SIRT2: variants seen among roughly 807,000 people sequenced by gnomAD.
SIRT2 encodes the protein NAD-dependent protein deacetylase sirtuin-2.
Under a neutral mutation model 57.4 loss-of-function variants are expected in SIRT2, and 40 were observed. The ratio of observed to expected loss-of-function variants is 0.70; its 90% CI spans 0.54 to 0.91. The LOEUF is 0.91. SIRT2 is among the 40% of genes least tolerant of loss of function. The pLI is 0.00. For synonymous variants in SIRT2, 161 were observed against 195.7 expected (o/e 0.82, Z 1.48); for missense variants, 439 against 510.4 (o/e 0.86, Z 1.35).
In SIRT2 at chr19:38,882,578, G is replaced by A. The variant is rs1444915853; in HGVS notation, c.631+1049C>T. ...TTGAACCCGGGAGGCGGAGGTTGCA[G>A]TGAGCCGAGATTGCACCACTGCACT... On this transcript the variant is annotated intron_variant, in intron 9 of 15. Coordinates refer to ENST00000249396, the MANE Select transcript of SIRT2 (RefSeq NM_012237.4). 6.6e-5 allele frequency among the ~76,000 whole-genome samples: 10 copies of A among 151,738 alleles called. No individual in the cohort carries two copies. In the South Asian group the frequency reaches 1.5e-3, roughly 22 times the overall value.
chr19:38,897,523 C>T (rs1050679336), intron 2 of SIRT2, among the ~76,000 whole-genome samples: 39 of 136,218 alleles, frequency 2.9e-4, no homozygotes, highest in African/African-American at 9.6e-4. Flanking sequence ...CTTTACTTTT[C>T]TTCCTTTTTT....
rs1973233513 is a variant in SIRT2, at chr19:38,883,743, A to G, written c.515T>C (p.Leu172Pro). 1 of 1,613,872 alleles carries G rather than the reference A, an allele frequency of 6.2e-7. No individual in the cohort carries two copies. The highest frequency in any genetic ancestry group is 1.7e-5 in the Admixed American group (1 of 59,990). ...LRCYTQNIDT[L>P]ERIAGLEQED... is the part of the protein sequence containing the mutation. ...CTGTTCCAGCCCGGCTATTCGCTCC[A>G]GGGTATCTATGTTCTAGAGGGAGAG... Residue 172 changes from leucine (L) to proline (P), a missense_variant, in exon 9 of 16, where the codon CTG becomes CCG. Transcript: ENST00000249396.
intron 4 of SIRT2, 30 bp from the exon 5 acceptor site, chr19:38,890,174 A>G: frequency 1.9e-6 from 3 of 1,613,536 alleles, no homozygotes; most frequent in Non-Finnish European, 2.5e-6. Context: ...GCACCATATG[A>G]CACCGTTTGC....
rs1973621277 is a variant in SIRT2, at chr19:38,893,720, C to T, written c.112+99G>A. 2.1e-6 allele frequency: 3 copies of T among 1,436,322 alleles called. No individual in the cohort carries two copies. The Admixed American group carries it at 5.3e-5, about 25-fold the overall frequency. The allele number at this position is 1,436,322 out of a possible 1,614,324, so 89.0% of individuals were successfully genotyped here. A position where few individuals can be genotyped will look rare whatever the true frequency, so the allele number is the denominator to read the frequency against. On this transcript the variant is annotated intron_variant, in intron 3 of 15. Coordinates refer to ENST00000249396, the MANE Select transcript of SIRT2 (RefSeq NM_012237.4). ...ACCCACTGCTACATACTTTGGATGT[C>T]ACTCCTGATGGAGTTGAGGAGGTAT...
chr19:38,890,227 GT>G, intron 4 of SIRT2, 83 bp from the exon 5 acceptor site: 1 of 1,420,334 alleles, frequency 7.0e-7, no homozygotes, highest in Non-Finnish European at 9.9e-7. Context: ...CCCTGACATC[GT>G]TTACTCCATG....
chr19:38,893,276 TGGC>T, intron 4 of SIRT2, 135 bp downstream of exon 4: 1 of 642,598 alleles, frequency 1.6e-6, no homozygotes, highest in Admixed American at 2.5e-5. Context: ...CACTCCTTTT[TGGC>T]TTAAGCCAGT....
In SIRT2 at chr19:38,889,911, G is replaced by T. The variant is rs779149028; in HGVS notation, c.319C>A (p.Leu107Ile). Residue 107 changes from leucine (L) to isoleucine (I), a missense_variant, in exon 6 of 16, where the codon CTA becomes ATA. By Grantham distance (5) the Leu-to-Ile change is conservative. Coordinates refer to ENST00000249396, the MANE Select transcript of SIRT2 (RefSeq NM_012237.4). ...RSPSTGLYDN[L>I]EKYHLPYPEA... ...GGGTAGGGAAGATGGTACTTCTCTA[G>T]GTTGTCATAGAGGCCGGTGGATGGA... 17 of 1,614,028 alleles carry T rather than the reference G, an allele frequency of 1.1e-5. No individual in the cohort carries two copies. In the Admixed American group the frequency reaches 1.8e-4, roughly 17 times the overall value.
chr19:38,898,428 G>GGGGGA lies in SIRT2; in HGVS notation c.17-8_17-4dup. 1 of 1,532,068 alleles carries GGGGGA rather than the reference G, an allele frequency of 6.5e-7. No individual in the cohort carries two copies. Among genetic ancestry groups the GGGGGA allele is most frequent in the Non-Finnish European group, 8.9e-7 (1 of 1,129,636 alleles). The allele number at this position is 1,532,068 out of a possible 1,614,324, so 94.9% of individuals were successfully genotyped here. ...CTGGGTCTCCAGAGGGTGAGAGGCT[G>GGGGGA]GGGGAGGGGAGCAGAGGTGGTTACA... On this transcript the variant is annotated splice_polypyrimidine_tract_variant and splice_region_variant and intron_variant, in intron 1 of 15. Coordinates refer to ENST00000249396, the MANE Select transcript of SIRT2 (RefSeq NM_012237.4).
chr19:38,894,310 C>T (rs1973648067), intron 2 of SIRT2: 2 of 197,826 alleles, frequency 1.0e-5, no homozygotes, highest in Non-Finnish European at 2.1e-5. Flanking sequence ...AGGTCTTCCT[C>T]TGTTGCCCAG....
chr19:38,892,762 GC>G (rs200131577), intron 4 of SIRT2, among the ~76,000 whole-genome samples: 1,951 of 150,426 alleles, frequency 0.013, 50 homozygotes, highest in African/African-American at 0.045. Context: ...TGTAGAGATG[GC>G]GGGGGGGTCT....
In SIRT2 at chr19:38,889,941, G is replaced by A. The variant is rs769376141; in HGVS notation, c.289C>T (p.Arg97Cys). ...TCATAGAGGCCGGTGGATGGAGAGC[G>A]AAAGTCGGGGATGCCTGCGGCTAGG... ...ISTSAGIPDFRSPSTGLYDNL... is the reference protein window; with the variant it reads ...ISTSAGIPDFCSPSTGLYDNL... The change falls in exon 6 of 16, where the codon CGC (arginine) becomes TGC (cysteine). Residue 97 changes from arginine to cysteine, a missense_variant. Arg to Cys is a radical substitution (Grantham distance 180). Transcript: ENST00000249396. 19 of 1,614,048 alleles carry A rather than the reference G, an allele frequency of 1.2e-5. No homozygotes were observed. The highest frequency in any genetic ancestry group is 1.7e-5 in the Admixed American group (1 of 60,010).
In SIRT2 at chr19:38,893,854, T is replaced by A; in HGVS notation, c.77A>T (p.Asp26Val). The A allele has an allele frequency of 2.5e-6, 4 of 1,613,542 alleles. No homozygotes were observed. In the South Asian group the frequency reaches 4.4e-5, roughly 18 times the overall value. The change falls in exon 3 of 16, where the codon GAC becomes GTC. Residue 26 changes from aspartate (D) to valine (V), a missense_variant. Asp to Val is a radical substitution (Grantham distance 152). Coordinates refer to ENST00000249396, the MANE Select transcript of SIRT2 (RefSeq NM_012237.4). ...TCCACCAGCGGCTCCTCCCTCAGAG[T>A]CTGAATCTGAGTCCTGGAAGGGGTG... ...KVQEAQDSDS[D>V]SEGGAAGGEA...
In SIRT2 at chr19:38,889,928, G is replaced by A; in HGVS notation, c.302C>T (p.Thr101Ile). ...AGIPDFRSPS[T>I]GLYDNLEKYH... ...CTTCTCTAGGTTGTCATAGAGGCCG[G>A]TGGATGGAGAGCGAAAGTCGGGGAT... The change falls in exon 6 of 16, where the codon ACC becomes ATC. Residue 101 changes from threonine to isoleucine, a missense_variant. By Grantham distance (89) the Thr-to-Ile change is moderately conservative (BLOSUM62 -1). Coordinates refer to ENST00000249396, the MANE Select transcript of SIRT2 (RefSeq NM_012237.4). 6.2e-7 allele frequency: 1 copy of A among 1,614,192 alleles called. No individual in the cohort carries two copies. Among genetic ancestry groups the A allele is most frequent in the Non-Finnish European group, 8.5e-7 (1 of 1,180,020 alleles).
At chr19:38,881,405 T>C in intron 10 of SIRT2, 27 bp downstream of exon 10, 2 of 1,612,362 alleles carry the variant, frequency 1.2e-6, no homozygotes, top group Non-Finnish European at 1.7e-6. Flanking sequence ...CAAATCCACC[T>C]GGGCAGGTCC....
chr19:38,888,043 C>G (rs1011509316), intron 8 of SIRT2, among the ~76,000 whole-genome samples: 5 of 151,306 alleles, frequency 3.3e-5, no homozygotes, highest in Non-Finnish European at 7.4e-5. Context: ...CGTGAGCCAC[C>G]GCGCCCGGCC....
chr19:38,898,536 G>A, intron 1 of SIRT2, 111 bp from the exon 2 acceptor site: 1 of 454,946 alleles, frequency 2.2e-6, no homozygotes. Flanking sequence ...TAGTTACACT[G>A]GGATGGGATG....
chr19:38,891,864 C>A, intron 4 of SIRT2: 1 of 469,034 alleles, frequency 2.1e-6, no homozygotes, highest in South Asian at 1.6e-5. Context: ...GTCTTTGGGG[C>A]CTGCCCAGGC....
At position 38,879,270 on chromosome 19, in the gene SIRT2, A is replaced by G. The variant is rs200229086; in HGVS notation, c.1055T>C (p.Ile352Thr). ...EDLVRREHAS[I>T]DAQSGAGVPN... The stretch of plus-strand genomic sequence containing the variant: ...GACCCCCGCCCCCGACTGGGCATCT[A>G]TGCTGGCGTGCTCCCTCCGGACAAG... The change falls in exon 16 of 16, where the codon ATA (isoleucine) becomes ACA (threonine). Residue 352 changes from isoleucine to threonine, a missense_variant. By Grantham distance (89) the Ile-to-Thr change is moderately conservative (BLOSUM62 -1). Coordinates refer to ENST00000249396, the MANE Select transcript of SIRT2 (RefSeq NM_012237.4). The G allele has an allele frequency of 1.5e-4, 242 of 1,611,822 alleles. 3 individuals are homozygous for G. In the East Asian group the frequency reaches 3.2e-3, roughly 21 times the overall value.
intron 10 of SIRT2, 76 bp downstream of exon 10, chr19:38,881,356 C>T: frequency 7.2e-7 from 1 of 1,386,942 alleles, no homozygotes; most frequent in Non-Finnish European, 1.0e-6. Flanking sequence ...GCGGGTGTGG[C>T]CTTTGGGAGG....
Sources: allele counts gnomAD v4.1 joint callset (sites outside exome capture counted in the v4.1 genomes callset), GRCh38; gene constraint gnomAD v4.1.1; transcripts MANE v1.5; gene names NCBI Gene and HGNC (gene_info 2026-07-23, HGNC 2026-07-21).